Variants in NPAS3 observed in about 807,000 individuals in gnomAD.
NPAS3 encodes neuronal PAS domain-containing protein 3.
Under a neutral mutation model 73.1 loss-of-function variants are expected in NPAS3, and 14 were observed. The ratio of observed to expected loss-of-function variants is 0.19; its 90% CI spans 0.13 to 0.30. The LOEUF (loss-of-function observed/expected upper bound fraction) is 0.30, where lower values mean the gene tolerates loss of function less well. Ranked by LOEUF, NPAS3 falls within the 10% of genes least tolerant of loss-of-function variation. The pLI is 1.00. For missense variants in NPAS3, 1,096 were observed against 1,250.0 expected (o/e 0.88, Z 1.86); for synonymous variants, 620 against 541.5 (o/e 1.14, Z -2.01).
At chr14:33,147,838 AGAT>A (rs1190387792) in intron 2 of NPAS3, among the ~76,000 whole-genome samples, 1 of 151,208 alleles carries the variant, frequency 6.6e-6, no homozygotes, top group Non-Finnish European at 1.5e-5. Flanking sequence ...AATTATTAGA[AGAT>A]GAAAATTTTA....
At chr14:33,272,838 C>G (rs1318458229) in intron 3 of NPAS3, among the ~76,000 whole-genome samples, 1 of 152,152 alleles carries the variant, frequency 6.6e-6, no homozygotes, top group Non-Finnish European at 1.5e-5. Flanking sequence ...AAAACTCTAC[C>G]AAAGGGTAGT....
chr14:33,501,171 C>G (rs1163517540), intron 4 of NPAS3, among the ~76,000 whole-genome samples: 1 of 151,910 alleles, frequency 6.6e-6, no homozygotes, highest in Non-Finnish European at 1.5e-5. Flanking sequence ...CATATCCCAT[C>G]TCTCCATCCA....
intron 3 of NPAS3, among the ~76,000 whole-genome samples, chr14:33,280,200 A>G (rs1378189905): frequency 6.6e-6 from 1 of 152,002 alleles, no homozygotes; most frequent in South Asian, 2.1e-4. Context: ...CAGTGTAATT[A>G]TAAACATACC....
chr14:33,119,502 G>A (rs2043165815), intron 2 of NPAS3, among the ~76,000 whole-genome samples: 1 of 152,096 alleles, frequency 6.6e-6, no homozygotes, highest in Non-Finnish European at 1.5e-5. Flanking sequence ...TCCTGATTTG[G>A]AATGAATTGC....
intron 4 of NPAS3, among the ~76,000 whole-genome samples, chr14:33,423,128 C>T (rs1020910466): frequency 1.3e-5 from 2 of 151,978 alleles, no homozygotes; most frequent in African/African-American, 2.4e-5. Context: ...GAAGGCAGGT[C>T]GGAATTCTCC....
intron 4 of NPAS3, among the ~76,000 whole-genome samples, chr14:33,542,734 T>G (rs1258016953): frequency 6.6e-6 from 1 of 152,206 alleles, no homozygotes; most frequent in Non-Finnish European, 1.5e-5. Flanking sequence ...TTGCCCCGTG[T>G]AAACAAAGAA....
chr14:33,383,504 G>T (rs1038179168), intron 4 of NPAS3, among the ~76,000 whole-genome samples: 1 of 152,106 alleles, frequency 6.6e-6, no homozygotes, highest in Admixed American at 6.5e-5. Context: ...GCACCAATTC[G>T]AGAATGTCCT....
At chr14:33,491,444 AT>A (rs1030154774) in intron 4 of NPAS3, among the ~76,000 whole-genome samples, 1 of 152,100 alleles carries the variant, frequency 6.6e-6, no homozygotes, top group Non-Finnish European at 1.5e-5. Flanking sequence ...TGATGGAAAC[AT>A]TCTATTTTGC....
chr14:33,431,612 C>A (rs1477304461), intron 4 of NPAS3, among the ~76,000 whole-genome samples: 1 of 152,042 alleles, frequency 6.6e-6, no homozygotes, highest in African/African-American at 2.4e-5. Context: ...TTATCTCTCG[C>A]CTTTGTTTTA....
At chr14:33,404,540 T>G (rs2047583055) in intron 4 of NPAS3, among the ~76,000 whole-genome samples, 1 of 152,112 alleles carries the variant, frequency 6.6e-6, no homozygotes, top group Non-Finnish European at 1.5e-5. Flanking sequence ...TTTAGACAAA[T>G]GATACCAAGT....
chr14:33,728,933 G>C (rs1013092166), intron 6 of NPAS3, among the ~76,000 whole-genome samples: 2 of 152,172 alleles, frequency 1.3e-5, no homozygotes, highest in Admixed American at 6.5e-5. Context: ...GTGTGTGAGA[G>C]AGTGACAGGG....
At chr14:33,324,498 TATC>T (rs1336244461) in intron 3 of NPAS3, among the ~76,000 whole-genome samples, 1 of 152,220 alleles carries the variant, frequency 6.6e-6, no homozygotes, top group African/African-American at 2.4e-5. Context: ...CCCTAAATAG[TATC>T]ATATGATGAA....
intron 1 of NPAS3, among the ~76,000 whole-genome samples, chr14:32,957,418 C>T (rs1555375863): frequency 6.7e-6 from 1 of 148,910 alleles, no homozygotes; most frequent in Non-Finnish European, 1.5e-5. Flanking sequence ...GTGGCGCAGG[C>T]TGGAGTGCAG....
At chr14:33,369,119 C>T (rs1294897908) in intron 4 of NPAS3, among the ~76,000 whole-genome samples, 1 of 151,932 alleles carries the variant, frequency 6.6e-6, no homozygotes, top group Non-Finnish European at 1.5e-5. Flanking sequence ...CTCCCAAATG[C>T]TAAATCAACA....
At chr14:33,515,064 G>A (rs2053234301) in intron 4 of NPAS3, among the ~76,000 whole-genome samples, 1 of 152,052 alleles carries the variant, frequency 6.6e-6, no homozygotes, top group African/African-American at 2.4e-5. Context: ...CCAGAATCCA[G>A]GTGTCTTCAT....
intron 2 of NPAS3, among the ~76,000 whole-genome samples, chr14:33,146,644 C>G (rs1003998392): frequency 8.5e-5 from 13 of 152,182 alleles, no homozygotes. Flanking sequence ...AAAGACTGTT[C>G]TGGAGAGGCT....
chr14:33,459,208 C>T (rs2050150473), intron 4 of NPAS3, among the ~76,000 whole-genome samples: 1 of 152,106 alleles, frequency 6.6e-6, no homozygotes, highest in South Asian at 2.1e-4. Context: ...TCTTCACTGA[C>T]CTGTATCTTG....
At chr14:33,307,771 T>C (rs2042817662) in intron 3 of NPAS3, among the ~76,000 whole-genome samples, 1 of 152,180 alleles carries the variant, frequency 6.6e-6, no homozygotes, top group Non-Finnish European at 1.5e-5. Flanking sequence ...GAGGTATTGC[T>C]TATTTTCTCA....
At chr14:33,799,983 G>A in exon 12 of NPAS3, 11 of 1,613,684 alleles carry the variant, frequency 6.8e-6, no homozygotes, top group Non-Finnish European at 9.3e-6. Context: ...AAGGTGGAGC[G>A]CTACGTGGAG....
Sources: allele counts gnomAD v4.1 joint callset (sites outside exome capture counted in the v4.1 genomes callset), GRCh38; gene constraint gnomAD v4.1.1; transcripts MANE v1.5; gene names NCBI Gene and HGNC (gene_info 2026-07-23, HGNC 2026-07-21).